Variants in DNAJC8 observed in about 807,000 individuals in gnomAD.
The protein encoded by DNAJC8 is DnaJ heat shock protein family (Hsp40) member C8.
Under a neutral mutation model 43.2 loss-of-function variants are expected in DNAJC8, and 24 were observed. That is an observed-to-expected ratio of 0.56 (90% CI 0.40 to 0.78). DNAJC8 has a LOEUF of 0.78. Ranked by LOEUF, DNAJC8 falls within the 30% of genes least tolerant of loss-of-function variation. DNAJC8 has a pLI of 0.00. For synonymous variants in DNAJC8, 83 were observed against 98.0 expected (o/e 0.85, Z 0.90); for missense variants, 207 against 299.4 (o/e 0.69, Z 2.28).
At chr1:28,225,148 A>G (rs1370982473) in intron 2 of DNAJC8, among the ~76,000 whole-genome samples, 2 of 151,350 alleles carry the variant, frequency 1.3e-5, no homozygotes, top group African/African-American at 4.9e-5. Flanking sequence ...GACAATTAGT[A>G]AAATTTGAAT....
At chr1:28,211,072 G>A (rs1646807318) in intron 3 of DNAJC8, among the ~76,000 whole-genome samples, 1 of 152,148 alleles carries the variant, frequency 6.6e-6, no homozygotes, top group Admixed American at 6.5e-5. Context: ...TATTTAGGAA[G>A]CTAACGTGGG....
At chr1:28,202,306 G>C (rs186683490) in intron 8 of DNAJC8, among the ~76,000 whole-genome samples, 1 of 152,206 alleles carries the variant, frequency 6.6e-6, no homozygotes, top group African/African-American at 2.4e-5. Flanking sequence ...GTGAGATGCA[G>C]TCTCGCTCTG....
At chr1:28,209,861 G>A (rs759219600) in intron 5 of DNAJC8, 111 bp downstream of exon 5, 18 of 882,030 alleles carry the variant, frequency 2.0e-5, no homozygotes, top group Admixed American at 1.0e-4. Context: ...GAGCACAGAA[G>A]TAGCCACAGG....
intron 3 of DNAJC8, among the ~76,000 whole-genome samples, chr1:28,212,153 C>T (rs1646814609): frequency 1.6e-5 from 1 of 62,616 alleles, no homozygotes; most frequent in Non-Finnish European, 3.3e-5. Context: ...CGGACTCCGT[C>T]TCAATAAATA....
At chr1:28,221,110 CG>C (rs1181157111) in intron 2 of DNAJC8, among the ~76,000 whole-genome samples, 2 of 151,790 alleles carry the variant, frequency 1.3e-5, no homozygotes, top group East Asian at 3.9e-4. Flanking sequence ...GAGGCTGAGG[CG>C]GGTGGATCAC....
intron 1 of DNAJC8, chr1:28,230,150 G>C (rs1646964191): frequency 6.6e-6 from 1 of 152,116 alleles, no homozygotes; most frequent in Non-Finnish European, 1.5e-5. Flanking sequence ...ATGCCAGGGA[G>C]AACAAGCACC....
At chr1:28,210,248 A>G in intron 4 of DNAJC8, 182 bp from the exon 5 acceptor site, 1 of 612,500 alleles carries the variant, frequency 1.6e-6, no homozygotes, top group Non-Finnish European at 2.9e-6. Flanking sequence ...AGAGCCTTGG[A>G]AAAAATTAAA....
chr1:28,203,696 C>G, intron 8 of DNAJC8, 51 bp downstream of exon 8: 1 of 1,592,214 alleles, frequency 6.3e-7, no homozygotes, highest in African/African-American at 1.3e-5. Context: ...GCCACAGGAA[C>G]CAAGCTGCCT....
rs537898253 is a variant in DNAJC8 at position 28,232,744 on chromosome 1, A to G, written c.78+177T>C. Among the ~76,000 whole-genome samples the G allele has an allele frequency of 2.6e-4, 40 of 151,766 alleles. 1 individual carries two copies. The South Asian group carries it at 8.4e-3, about 32-fold the overall frequency. On this transcript the variant is annotated intron_variant, in intron 1 of 8. Transcript: ENST00000263697. ...ATTCCCTCTTTCGTTGCCCCGGGGG[A>G]TCTCCCAGCAGCTATCAGTGGGAGA... is the stretch of plus-strand genomic sequence containing the variant.
rs1036610418 is a variant in DNAJC8, at chr1:28,200,833, T to A, written c.*415A>T. The A allele has an allele frequency of 1.1e-5, 4 of 363,260 alleles. No individual in the cohort carries two copies. The East Asian group carries it at 2.9e-4, about 26-fold the overall frequency. The allele number at this position is 363,260 out of a possible 1,614,324, so 22.5% of individuals were successfully genotyped here. On this transcript the variant is annotated 3_prime_UTR_variant, in exon 9 of 9. Coordinates refer to ENST00000263697, the MANE Select transcript of DNAJC8 (RefSeq NM_014280.3). Reference sequence around the variant, plus strand: ...AGCGAGCAACTGAAGCGAAGGGGCTTCCTAAGGTGCCCCTTCCAGGCTTGT... The same window carrying A: ...AGCGAGCAACTGAAGCGAAGGGGCTACCTAAGGTGCCCCTTCCAGGCTTGT...
At chr1:28,210,322 A>G (rs1258207925) in intron 4 of DNAJC8, 1 of 561,562 alleles carries the variant, frequency 1.8e-6, no homozygotes, top group Non-Finnish European at 3.1e-6. Flanking sequence ...CTTTATGTTC[A>G]AAGAAAAAAA....
At chr1:28,216,894 C>T (rs1315481020) in intron 2 of DNAJC8, among the ~76,000 whole-genome samples, 9 of 149,452 alleles carry the variant, frequency 6.0e-5, no homozygotes, top group African/African-American at 2.0e-4. Context: ...CTGCCACCTC[C>T]GCCTCCCAGG....
intron 1 of DNAJC8, among the ~76,000 whole-genome samples, chr1:28,229,645 TG>T (rs777634123): frequency 1.6e-4 from 25 of 151,658 alleles, no homozygotes; most frequent in Non-Finnish European, 2.9e-4. Flanking sequence ...CATGGTGGCA[TG>T]GCGTGTAGTC....
At chr1:28,209,915 AG>A in intron 5 of DNAJC8, 56 bp downstream of exon 5, 7 of 1,503,358 alleles carry the variant, frequency 4.7e-6, no homozygotes, top group Non-Finnish European at 6.5e-6. Flanking sequence ...CCCTTCTACA[AG>A]GTGCCCAAGG....
At chr1:28,222,860 G>A (rs1248186611) in intron 2 of DNAJC8, among the ~76,000 whole-genome samples, 1 of 152,182 alleles carries the variant, frequency 6.6e-6, no homozygotes, top group Non-Finnish European at 1.5e-5. Flanking sequence ...AGGGAGGCCA[G>A]CACAGGAACA....
intron 3 of DNAJC8, among the ~76,000 whole-genome samples, chr1:28,212,409 G>A (rs1646821322): frequency 6.7e-6 from 1 of 148,928 alleles, no homozygotes; most frequent in Admixed American, 6.7e-5. Context: ...TGAGTAGCTG[G>A]GACTACAGGC....
chr1:28,214,904 T>C (rs370121301), intron 3 of DNAJC8, 36 bp downstream of exon 3: 1 of 1,550,200 alleles, frequency 6.5e-7, no homozygotes, highest in South Asian at 1.3e-5. Flanking sequence ...GCTTCATACA[T>C]TTTCAAAAAG....
Position 28,210,554 on chromosome 1 carries a change from G to C in DNAJC8, c.304+17C>G, listed in dbSNP as rs201668584. 238 of 1,610,026 alleles carry C rather than the reference G, an allele frequency of 1.5e-4. 1 individual carries two copies. The African/African-American group carries it at 2.9e-3, about 19-fold the overall frequency. ...ATTCACAATCTAATACTCAGAAGCAGGTAAATTTACAAATACCTTCAAAAG... is the reference window on the plus strand; with the variant it reads ...ATTCACAATCTAATACTCAGAAGCACGTAAATTTACAAATACCTTCAAAAG... On this transcript the variant is annotated intron_variant, in intron 4 of 8. Transcript: ENST00000263697.
intron 2 of DNAJC8, among the ~76,000 whole-genome samples, chr1:28,223,273 GC>G (rs1401405578): frequency 1.3e-5 from 2 of 152,178 alleles, no homozygotes; most frequent in African/African-American, 4.8e-5. Context: ...GGATGTCAAA[GC>G]CAGAGCAGGG....
Sources: allele counts gnomAD v4.1 joint callset (sites outside exome capture counted in the v4.1 genomes callset), GRCh38; gene constraint gnomAD v4.1.1; transcripts MANE v1.5; gene names NCBI Gene and HGNC (gene_info 2026-07-23, HGNC 2026-07-21).